LATS1: variants seen among roughly 807,000 people sequenced by gnomAD.
The protein encoded by LATS1 is large tumor suppressor kinase 1.
In LATS1, 25 loss-of-function variants were observed where a neutral mutation model predicts 106.6. The observed-to-expected ratio is 0.23, with a 90% CI of 0.17 to 0.33. The LOEUF is 0.33. LATS1 is among the 10% of genes least tolerant of loss of function. The pLI, the probability that LATS1 is intolerant of heterozygous loss-of-function variation, is 1.00. For missense variants in LATS1, 1,040 were observed against 1,382.6 expected (o/e 0.75, Z 3.93); for synonymous variants, 465 against 455.6 (o/e 1.02, Z -0.26).
intron 7 of LATS1, among the ~76,000 whole-genome samples, chr6:149,665,534 G>A (rs547013786): frequency 1.3e-5 from 2 of 152,212 alleles, no homozygotes; most frequent in African/African-American, 4.8e-5. Context: ...ACTAAATAGG[G>A]AGCCCCAGGG....
chr6:149,676,644 C>T lies in LATS1; in HGVS notation c.2687G>A (p.Arg896Gln), dbSNP rs148506316. ...TCGCTGGTGCTGGCGTGCAGCTCTC[C>T]GCTCTAATGGCTTCAGTCTGTCTCC... ...RCGDRLKPLE[R>Q]RAARQHQRCL... Residue 896 changes from arginine to glutamine, a missense_variant, in exon 6 of 8, where the codon CGG (arginine) becomes CAG (glutamine). Around this residue, in one of 7 missense-constraint regions of LATS1, gnomAD observed 63 missense variants for 64.3 expected, o/e 0.98. Coordinates refer to ENST00000543571, the MANE Select transcript of LATS1 (RefSeq NM_004690.4). 112 of 1,614,078 alleles carry T rather than the reference C, an allele frequency of 6.9e-5. No homozygotes were observed. Among genetic ancestry groups the T allele is most frequent in the African/African-American group, 6.8e-4 (51 of 75,046 alleles).
rs774273458 is a variant in LATS1 at position 149,661,242 on chromosome 6, C to T, written c.*487G>A. 5.2e-5 allele frequency: 12 copies of T among 231,478 alleles called. No homozygotes were observed. The highest frequency in any genetic ancestry group is 7.7e-5 in the Non-Finnish European group (9 of 117,240). The allele number at this position is 231,478 out of a possible 1,614,324, so 14.3% of individuals were successfully genotyped here. ...ATTAGCCTAGGAACACTCACCAACA[C>T]GATGGCTTAATTTCTCTAGCTTATT... On this transcript the variant is annotated 3_prime_UTR_variant, in exon 8 of 8. Coordinates refer to ENST00000543571, the MANE Select transcript of LATS1 (RefSeq NM_004690.4).
At chr6:149,671,432 C>T (rs1379566233) in intron 7 of LATS1, among the ~76,000 whole-genome samples, 1 of 152,000 alleles carries the variant, frequency 6.6e-6, no homozygotes, top group Non-Finnish European at 1.5e-5. Flanking sequence ...CCGCACCTGG[C>T]CTGATGTTCA....
At position 149,695,203 on chromosome 6, in the gene LATS1, G is replaced by A. The variant is rs751789340; in HGVS notation, c.367C>T (p.Leu123Phe). ...ATACTTCTGTTGTTAGTTTTCTGAAGAGCTTGTATAACCATATCCTGATAT... is the reference window on the plus strand; with the variant it reads ...ATACTTCTGTTGTTAGTTTTCTGAAAAGCTTGTATAACCATATCCTGATAT... Reference protein sequence around the residue: ...GFDEDMVIQALQKTNNRSIEA... With the variant: ...GFDEDMVIQAFQKTNNRSIEA... The change falls in exon 3 of 8, where the codon CTT (leucine) becomes TTT (phenylalanine). Residue 123 changes from leucine (L) to phenylalanine (F), a missense_variant. By Grantham distance (22) the Leu-to-Phe change is conservative (BLOSUM62 0). Transcript: ENST00000543571. The A allele has an allele frequency of 1.2e-6, 2 of 1,602,258 alleles. No homozygotes were observed. The highest frequency in any genetic ancestry group is 1.7e-5 in the Admixed American group (1 of 58,906).
In LATS1 at chr6:149,684,425, C is replaced by G. The variant is rs1782244344; in HGVS notation, c.664G>C (p.Ala222Pro). The G allele has an allele frequency of 4.3e-6, 7 of 1,613,878 alleles. No individual in the cohort carries two copies. Among genetic ancestry groups the G allele is most frequent in the African/African-American group, 2.7e-5 (2 of 74,864 alleles). Reference sequence around the variant, plus strand: ...TTGCTAGGGTGAGCTTGAACAAATGCTGATATACCAGATCCAGACAAAGGT... The same window carrying G: ...TTGCTAGGGTGAGCTTGAACAAATGGTGATATACCAGATCCAGACAAAGGT... The part of the protein sequence containing the change: ...GRPLSGSGIS[A>P]FVQAHPSNGQ... Residue 222 changes from alanine to proline, a missense_variant, in exon 4 of 8, where the codon GCA (alanine) becomes CCA (proline). Physicochemically the swap from Ala to Pro is conservative, Grantham distance 27. This residue lies in a region of LATS1 where 624 missense variants were observed against 714.8 expected (regional missense o/e 0.87). Transcript: ENST00000543571.
rs1204319077 is a variant in LATS1 at position 149,659,217 on chromosome 6, C to T, written c.*2512G>A. The T allele has an allele frequency of 5.6e-6, 1 of 178,934 alleles. No homozygotes were observed. Among genetic ancestry groups the T allele is most frequent in the African/African-American group, 2.4e-5 (1 of 42,308 alleles). 11.1% of individuals were successfully genotyped at this position (178,934 alleles called of 1,614,324 possible). On this transcript the variant is annotated 3_prime_UTR_variant, in exon 8 of 8. Transcript: ENST00000543571. ...GCGCGGTGGGTCACGTCTGTAATCC[C>T]AGCACTTTGGGAGGCTGAGGTGGGC...
chr6:149,704,361 C>CA (rs959170278), intron 1 of LATS1, among the ~76,000 whole-genome samples: 3 of 151,536 alleles, frequency 2.0e-5, no homozygotes, highest in Admixed American at 1.3e-4. Context: ...GTATCCTAAG[C>CA]AAAAAAAGCA....
chr6:149,676,789 T>C, intron 5 of LATS1, 52 bp from the exon 6 acceptor site: 1 of 1,493,188 alleles, frequency 6.7e-7, no homozygotes, highest in Non-Finnish European at 9.2e-7. Context: ...ACAGTAAACC[T>C]GAAGTCTATT....
chr6:149,680,032 A>G lies in LATS1; in HGVS notation c.2436T>C (p.Leu812=), dbSNP rs778291954. Residue 812 remains leucine, a synonymous_variant, in exon 5 of 8, where the codon CTT becomes CTC. Coordinates refer to ENST00000543571, the MANE Select transcript of LATS1 (RefSeq NM_004690.4). ...TATGAACACTTTCAACTGCACAGGT[A>G]AGTTCTGCTATGTAGAATCGTGCCA... is the stretch of plus-strand genomic sequence containing the variant. ...ESLARFYIAE[L]TCAVESVHKM... 43 of 1,614,010 alleles carry G rather than the reference A, an allele frequency of 2.7e-5. No homozygotes were observed. In the Admixed American group the frequency reaches 7.0e-4, roughly 26 times the overall value.
At chr6:149,667,929 T>C (rs35961297) in intron 7 of LATS1, among the ~76,000 whole-genome samples, 68,161 of 152,108 alleles carry the variant, frequency 0.45, 16,354 homozygotes, top group East Asian at 0.81. Context: ...TGATAATACA[T>C]ATATTTTTTG....
intron 4 of LATS1, among the ~76,000 whole-genome samples, chr6:149,681,723 A>G (rs1464698116): frequency 6.6e-6 from 1 of 152,218 alleles, no homozygotes; most frequent in Non-Finnish European, 1.5e-5. Context: ...AGAATGGTTC[A>G]AGTATATAAA....
Position 149,683,391 on chromosome 6 carries a change from T to C in LATS1, c.1698A>G (p.Gln566=), listed in dbSNP as rs763498727. ...PPPYPKHLLH[Q]NPSVPPYESI... ...ACTCGTATGGAGGAACAGATGGGTT[T>C]TGGTGCAGCAGATGTTTTGGGTAGG... is the stretch of plus-strand genomic sequence containing the variant. The change falls in exon 4 of 8, where the codon CAA becomes CAG. Residue 566 remains glutamine (Q), a synonymous_variant. Coordinates refer to ENST00000543571, the MANE Select transcript of LATS1 (RefSeq NM_004690.4). The C allele has an allele frequency of 6.2e-6, 10 of 1,614,064 alleles. No individual in the cohort carries two copies. The Admixed American group carries it at 8.3e-5, about 13-fold the overall frequency.
At chr6:149,694,948 T>G (rs1367988708) in intron 3 of LATS1, 126 bp downstream of exon 3, 7 of 770,348 alleles carry the variant, frequency 9.1e-6, no homozygotes, top group Non-Finnish European at 1.4e-5. Flanking sequence ...AATGTTATCT[T>G]AATTTGAGAC....
chr6:149,702,116 C>A lies in LATS1; in HGVS notation c.11G>T (p.Ser4Ile), dbSNP rs531004412. 1 of 1,604,090 alleles carries A rather than the reference C, an allele frequency of 6.2e-7. No individual in the cohort carries two copies. Among genetic ancestry groups the A allele is most frequent in the African/African-American group, 1.3e-5 (1 of 74,422 alleles). The change falls in exon 2 of 8, where the codon AGT (serine) becomes ATT (isoleucine). Residue 4 changes from serine (S) to isoleucine (I), a missense_variant. Coordinates refer to ENST00000543571, the MANE Select transcript of LATS1 (RefSeq NM_004690.4). Reference sequence around the variant, plus strand: ...TTGTCTATATCCTTCTGGCTTTTCACTCCTCTTCATGAAAACATCTATATA... The same window carrying A: ...TTGTCTATATCCTTCTGGCTTTTCAATCCTCTTCATGAAAACATCTATATA... MKR[S>I]EKPEGYRQMR...
At chr6:149,664,625 A>G (rs1320614876) in intron 7 of LATS1, among the ~76,000 whole-genome samples, 2 of 152,238 alleles carry the variant, frequency 1.3e-5, no homozygotes, top group African/African-American at 4.8e-5. Flanking sequence ...GGATGCAGGA[A>G]GCAGCTACTT....
chr6:149,675,035 G>A (rs957392247), intron 7 of LATS1, among the ~76,000 whole-genome samples: 14 of 151,974 alleles, frequency 9.2e-5, no homozygotes, highest in Non-Finnish European at 2.1e-4. Context: ...TGGCCAACAC[G>A]GTGAAACCTC....
At chr6:149,671,546 G>A (rs1356410478) in intron 7 of LATS1, among the ~76,000 whole-genome samples, 1 of 151,920 alleles carries the variant, frequency 6.6e-6, no homozygotes, top group African/African-American at 2.4e-5. Context: ...ATAGTGGTGT[G>A]GTCTTATGTC....
In LATS1 at chr6:149,684,020, T is replaced by G; in HGVS notation, c.1069A>C (p.Met357Leu). ...GCAGGGACAACATTTTGGTGTATCA[T>G]GAAATCAGTTTGTCCAGTACCATTC... ...MQNGTGQTDF[M>L]IHQNVVPAGT... The change falls in exon 4 of 8, where the codon ATG becomes CTG. Residue 357 changes from methionine to leucine, a missense_variant. Transcript: ENST00000543571. 1 of 1,614,178 alleles carries G rather than the reference T, an allele frequency of 6.2e-7. No homozygotes were observed.
At chr6:149,674,359 T>C (rs1309913663) in intron 7 of LATS1, among the ~76,000 whole-genome samples, 1 of 151,182 alleles carries the variant, frequency 6.6e-6, no homozygotes, top group Non-Finnish European at 1.5e-5. Context: ...ATAATAGGTG[T>C]GAGCCACCAC....
Sources: allele counts gnomAD v4.1 joint callset (sites outside exome capture counted in the v4.1 genomes callset), GRCh38; gene constraint gnomAD v4.1.1; regional missense constraint gnomAD v4.1.1; transcripts MANE v1.5; gene names NCBI Gene and HGNC (gene_info 2026-07-23, HGNC 2026-07-21).